Variants in TMED5 observed in about 807,000 individuals in gnomAD.
TMED5 encodes transmembrane p24 trafficking protein 5.
In TMED5, 27 loss-of-function variants were observed where a neutral mutation model predicts 23.0. That is an observed-to-expected ratio of 1.17 (90% CI 0.86 to 1.62). TMED5 has a LOEUF of 1.62. Among genes scored for constraint, TMED5 ranks in the 40% most tolerant of loss-of-function variants. TMED5 has a pLI of 0.00. For synonymous variants in TMED5, 97 were observed against 100.8 expected (o/e 0.96, Z 0.23); for missense variants, 248 against 273.7 (o/e 0.91, Z 0.66).
chr1:93,166,086 A>C (rs1648495504), intron 1 of TMED5, among the ~76,000 whole-genome samples: 1 of 152,250 alleles, frequency 6.6e-6, no homozygotes, highest in Admixed American at 6.5e-5. Context: ...GCAGCAAATG[A>C]CAAGATCTCA....
intron 1 of TMED5, 34 bp downstream of exon 1, chr1:93,180,020 A>C (rs1649247886): frequency 1.9e-6 from 3 of 1,598,126 alleles, no homozygotes; most frequent in Non-Finnish European, 2.6e-6. Flanking sequence ...CAGCTGGGTT[A>C]AAGGAAGGAG....
intron 1 of TMED5, chr1:93,161,320 T>TATATATATTAAATCAGA (rs1474060369): frequency 2.0e-5 from 3 of 151,978 alleles, no homozygotes; most frequent in African/African-American, 4.8e-5. Context: ...AAGTAAAAAA[T>TATATATATTAAATCAGA]AAACCAAAGT....
rs1571268426 is a variant in TMED5, at chr1:93,154,667, G to A, written c.*3C>T. ...TCAATGTTACGTACTCTAGTTTGGAGTTTTAAGTTCTACTTTTCCTCTTAT... is the reference window on the plus strand; with the variant it reads ...TCAATGTTACGTACTCTAGTTTGGAATTTTAAGTTCTACTTTTCCTCTTAT... On this transcript the variant is annotated 3_prime_UTR_variant, in exon 4 of 4. Transcript: ENST00000370282. 2.5e-6 allele frequency: 4 copies of A among 1,608,944 alleles called. No individual in the cohort carries two copies. In the Admixed American group the frequency reaches 5.0e-5, roughly 20 times the overall value.
chr1:93,175,175 T>TTTTATATATATA (rs1553160148), intron 1 of TMED5, among the ~76,000 whole-genome samples: 2 of 119,872 alleles, frequency 1.7e-5, no homozygotes, highest in South Asian at 2.5e-4. Context: ...TAAAAGCCAT[T>TTTTATATATATA]TATATATATA....
intron 1 of TMED5, among the ~76,000 whole-genome samples, chr1:93,175,316 TAC>T (rs376330795): frequency 0.03 from 3,844 of 128,992 alleles, 140 homozygotes; most frequent in African/African-American, 0.097. Context: ...TATATATATA[TAC>T]ACACACACAC....
At chr1:93,161,175 A>G (rs1043888816) in intron 1 of TMED5, 11 of 152,216 alleles carry the variant, frequency 7.2e-5, no homozygotes, top group African/African-American at 2.4e-4. Flanking sequence ...GGATTAATTT[A>G]TTCCTTATAA....
intron 2 of TMED5, 150 bp from the exon 3 acceptor site, chr1:93,156,633 T>G: frequency 1.6e-6 from 1 of 634,230 alleles, no homozygotes; most frequent in Non-Finnish European, 2.7e-6. Context: ...GGTAGATCAC[T>G]TTAGCTCAGG....
chr1:93,170,750 A>G (rs1171292889), intron 1 of TMED5, among the ~76,000 whole-genome samples: 1 of 152,188 alleles, frequency 6.6e-6, no homozygotes, highest in Non-Finnish European at 1.5e-5. Flanking sequence ...TAAATACACC[A>G]ATCAGCACTC....
chr1:93,156,466 C>T lies in TMED5; in HGVS notation c.305G>A (p.Gly102Asp), dbSNP rs1648078077. The T allele has an allele frequency of 1.2e-6, 2 of 1,613,460 alleles. No homozygotes were observed. Among genetic ancestry groups the T allele is most frequent in the African/African-American group, 2.7e-5 (2 of 74,858 alleles). ...DGVHTVETEV[G>D]DYMFCFDNTF... ...ATTGTCAAAGCAGAACATGTAATCACCAACTTCAGTCTCTACACTGTATAA... is the reference window on the plus strand; with the variant it reads ...ATTGTCAAAGCAGAACATGTAATCATCAACTTCAGTCTCTACACTGTATAA... Residue 102 changes from glycine (G) to aspartate (D), a missense_variant, in exon 3 of 4, where the codon GGT becomes GAT. Gly to Asp is a moderately conservative substitution (Grantham distance 94). Transcript: ENST00000370282.
At chr1:93,161,257 C>A (rs1648263781) in intron 1 of TMED5, 2 of 151,996 alleles carry the variant, frequency 1.3e-5, no homozygotes. Flanking sequence ...ACAGAGAAAT[C>A]ATTTTTCCAA....
Position 93,154,779 on chromosome 1 carries a change from C to CT in TMED5, c.580dup (p.Arg194LysfsTer9), listed in dbSNP as rs1557570949. 6.2e-7 allele frequency: 1 copy of CT among 1,614,024 alleles called. No individual in the cohort carries two copies. The highest frequency in any genetic ancestry group is 1.1e-5 in the South Asian group (1 of 91,080). On this transcript the variant is annotated frameshift_variant, in exon 4 of 4. Transcript: ENST00000370282. LOFTEE classifies it high-confidence loss of function. ...ATTAACCATAGACCAGAAATTGACT[C>CT]TATCAAAGTTGCTTTCTTGTATGTT...
intron 1 of TMED5, among the ~76,000 whole-genome samples, chr1:93,169,882 T>TCCACACACAC (rs111584144): frequency 7.7e-6 from 1 of 130,502 alleles, no homozygotes; most frequent in Non-Finnish European, 1.6e-5. Flanking sequence ...ACCCTGTCTG[T>TCCACACACAC]ACACACACAC....
In TMED5 at chr1:93,149,836, C is replaced by T. The variant is rs1243516532; in HGVS notation, c.*4834G>A. ...TTAATGTGCCTAATTACAAATTAAA[C>T]TTGATCGTAATTATGCATGCATAGG... On this transcript the variant is annotated 3_prime_UTR_variant, in exon 4 of 4. Coordinates refer to ENST00000370282, the MANE Select transcript of TMED5 (RefSeq NM_016040.5). 1 of 152,148 alleles carries T rather than the reference C, an allele frequency of 6.6e-6. No individual in the cohort carries two copies. Among genetic ancestry groups the T allele is most frequent in the Non-Finnish European group, 1.5e-5 (1 of 68,040 alleles). 9.4% of individuals were successfully genotyped at this position (152,148 alleles called of 1,614,324 possible).
intron 1 of TMED5, among the ~76,000 whole-genome samples, chr1:93,166,777 T>C (rs1648524014): frequency 6.6e-6 from 1 of 152,214 alleles, no homozygotes; most frequent in South Asian, 2.1e-4. Flanking sequence ...TGTGATCTCA[T>C]TGGTCCATTT....
chr1:93,158,190 A>AATAT (rs1648144963), intron 2 of TMED5, among the ~76,000 whole-genome samples: 1 of 152,056 alleles, frequency 6.6e-6, no homozygotes, highest in Non-Finnish European at 1.5e-5. Flanking sequence ...GGACTGCCTG[A>AATAT]ATGTATATCC....
chr1:93,161,692 C>G (rs1428667448), intron 1 of TMED5: 2 of 152,220 alleles, frequency 1.3e-5, no homozygotes, highest in African/African-American at 2.4e-5. Context: ...GATTGCACAC[C>G]TATCCTCTTT....
chr1:93,154,966 A>G, intron 3 of TMED5, 78 bp from the exon 4 acceptor site: 1 of 1,046,958 alleles, frequency 9.6e-7, no homozygotes, highest in Non-Finnish European at 1.4e-6. Flanking sequence ...GGCTGGGTGC[A>G]GTGACTCATG....
rs1041284456 is a variant in TMED5 at position 93,150,199 on chromosome 1, C to A, written c.*4471G>T. 5.3e-5 allele frequency: 8 copies of A among 152,168 alleles called. No individual in the cohort carries two copies. The highest frequency in any genetic ancestry group is 1.9e-4 in the African/African-American group (8 of 41,444). 9.4% of individuals were successfully genotyped at this position (152,168 alleles called of 1,614,324 possible). A position where few individuals can be genotyped will look rare whatever the true frequency, so the allele number is the denominator to read the frequency against. ...ATAGCTTTATTATTTAAGAATGTTACAAAAACAGAATCATACAGTGTGTAA... is the reference window on the plus strand; with the variant it reads ...ATAGCTTTATTATTTAAGAATGTTAAAAAAACAGAATCATACAGTGTGTAA... On this transcript the variant is annotated 3_prime_UTR_variant, in exon 4 of 4. Transcript: ENST00000370282.
At chr1:93,160,083 A>G (rs774528438) in intron 2 of TMED5, 46 bp downstream of exon 2, 1 of 1,154,506 alleles carries the variant, frequency 8.7e-7, no homozygotes, top group East Asian at 2.4e-5. Flanking sequence ...CAGATAACCC[A>G]CTGGTATTAT....
Sources: gnomAD v4.1 joint callset for allele counts (sites outside exome capture counted in the v4.1 genomes callset) on GRCh38, gnomAD v4.1.1 for gene constraint, MANE v1.5 for transcripts, NCBI Gene and HGNC (gene_info 2026-07-23, HGNC 2026-07-21) for gene names.